ISLR2: variants seen among roughly 807,000 people sequenced by gnomAD.
The protein encoded by ISLR2 is immunoglobulin superfamily containing leucine-rich repeat protein 2.
ISLR2 carries 16 observed loss-of-function variants against 25.5 expected under a neutral mutation model. That is an observed-to-expected ratio of 0.63 (90% CI 0.43 to 0.95). The LOEUF is 0.95. Ranked by LOEUF, ISLR2 falls within the 40% of genes least tolerant of loss-of-function variation. ISLR2 has a pLI of 0.00. For missense variants in ISLR2, 883 were observed against 1,030.7 expected, an observed-to-expected ratio of 0.86 and a Z score of 1.96; for synonymous variants, 508 against 486.6, an observed-to-expected ratio of 1.04 and a Z score of -0.58.
At position 74,132,600 on chromosome 15, in the gene ISLR2, C is replaced by A. The variant is rs909197102; in HGVS notation, c.-8-147C>A. 6.1e-5 allele frequency: 72 copies of A among 1,179,402 alleles called. No homozygotes were observed. The highest frequency in any genetic ancestry group is 8.0e-5 in the Non-Finnish European group (69 of 867,678). The allele number at this position is 1,179,402 out of a possible 1,614,324, so 73.1% of individuals were successfully genotyped here. A position where few individuals can be genotyped will look rare whatever the true frequency, so the allele number is the denominator to read the frequency against. On this transcript the variant is annotated intron_variant, in intron 2 of 2. Transcript: ENST00000453268. This position sits in a 1 kb window ranked among gnomAD's most constrained non-coding sequence, Gnocchi z 4.3. ...ACCTCGAGATTTTTATTGACCTTCA[C>A]TTCAGAGAGGCTCCTGGCCATAGAG...
At chr15:74,108,474 C>T (rs1289232618) in intron 2 of ISLR2, among the ~76,000 whole-genome samples, 1 of 152,162 alleles carries the variant, frequency 6.6e-6, no homozygotes, top group East Asian at 1.9e-4. Context: ...CACTGCCGCC[C>T]CCAGACCCCC....
At position 74,135,102 on chromosome 15, in the gene ISLR2, C is replaced by A. The variant is rs1172267117; in HGVS notation, c.*110C>A. ...CCCCGTCCCCAACCTTCACCTACTC[C>A]TCCCCCTTACTACTCCCCAACCTTG... On this transcript the variant is annotated 3_prime_UTR_variant, in exon 3 of 3. Transcript: ENST00000453268. 23 of 1,304,790 alleles carry A rather than the reference C, an allele frequency of 1.8e-5. No individual in the cohort carries two copies. 80.8% of individuals were successfully genotyped at this position (1,304,790 alleles called of 1,614,324 possible).
chr15:74,136,360 TGACTGTGC>T lies in ISLR2; in HGVS notation c.*1380_*1387del. The T allele has an allele frequency of 6.1e-6, 1 of 165,136 alleles. No homozygotes were observed. The allele number at this position is 165,136 out of a possible 1,614,324, so 10.2% of individuals were successfully genotyped here. Reference sequence around the variant, plus strand: ...CCCTAGTTCGCACAAAGCCTGCTCGTGACTGTGCGACTGTGCGACGGGATCCGGATGGA... The same window carrying T: ...CCCTAGTTCGCACAAAGCCTGCTCGTGACTGTGCGACGGGATCCGGATGGA... On this transcript the variant is annotated 3_prime_UTR_variant, in exon 3 of 3. Coordinates refer to ENST00000453268, the MANE Select transcript of ISLR2 (RefSeq NM_020851.3).
At chr15:74,117,969 T>G (rs2072223859) in intron 2 of ISLR2, among the ~76,000 whole-genome samples, 1 of 152,236 alleles carries the variant, frequency 6.6e-6, no homozygotes, top group Non-Finnish European at 1.5e-5. Context: ...CCAAGGATAG[T>G]GCCACTGAGT....
At chr15:74,129,104 G>T (rs1411198418), upstream of ISLR2, 7 of 455,370 alleles carry the variant, frequency 1.5e-5, no homozygotes, top group Non-Finnish European at 2.2e-5. This position sits in a 1 kb window ranked among gnomAD's most constrained non-coding sequence, Gnocchi z 4.5. Flanking sequence ...GTCGGCGGGG[G>T]GGGACTCCAG....
chr15:74,129,888 A>C (rs2072368192), upstream of ISLR2: 1 of 152,202 alleles, frequency 6.6e-6, no homozygotes. The surrounding 1 kb of genome is among the most constrained non-coding windows in gnomAD (Gnocchi z 4.5). Flanking sequence ...AGAGTAGCGG[A>C]CGTTTTGCCA....
chr15:74,121,057 T>G (rs2072248987), intron 2 of ISLR2, among the ~76,000 whole-genome samples: 1 of 151,794 alleles, frequency 6.6e-6, no homozygotes, highest in Admixed American at 6.6e-5. Flanking sequence ...TCCAGCCCAT[T>G]TAGTATCTAG....
chr15:74,120,540 AAGTC>A (rs2072244860), intron 2 of ISLR2, among the ~76,000 whole-genome samples: 2 of 151,384 alleles, frequency 1.3e-5, no homozygotes, highest in Non-Finnish European at 2.9e-5. Flanking sequence ...AAAAAAAAAA[AAGTC>A]AGACCAACCC....
Position 74,134,603 on chromosome 15 carries a change from C to A in ISLR2, c.1849C>A (p.Leu617Met), listed in dbSNP as rs145379981. The A allele has an allele frequency of 3.2e-5, 51 of 1,614,022 alleles. No homozygotes were observed. The highest frequency in any genetic ancestry group is 4.3e-5 in the Non-Finnish European group (51 of 1,180,034). ...PLLGAACCHL[L>M]AKHPGKPYRL... ...TCTGGGCGCCGCCTGCTGCCATCTG[C>A]TGGCTAAACACCCGGGCAAGCCCTA... Residue 617 changes from leucine to methionine, a missense_variant, in exon 3 of 3, where the codon CTG (leucine) becomes ATG (methionine). Physicochemically the swap from Leu to Met is conservative, Grantham distance 15 (BLOSUM62 2). Coordinates refer to ENST00000453268, the MANE Select transcript of ISLR2 (RefSeq NM_020851.3).
At chr15:74,111,138 T>C (rs1173181802) in intron 2 of ISLR2, among the ~76,000 whole-genome samples, 5 of 60,696 alleles carry the variant, frequency 8.2e-5, no homozygotes, top group Non-Finnish European at 1.6e-4. Context: ...AGACTCCATC[T>C]AAAAAAAAAA....
chr15:74,130,831 T>G (rs2072396883), intron 1 of ISLR2, among the ~76,000 whole-genome samples: 2 of 146,816 alleles, frequency 1.4e-5, no homozygotes, highest in African/African-American at 2.6e-5. Flanking sequence ...GAACGTGGGG[T>G]GGGGGAGGTG....
chr15:74,104,492 G>T (rs2072104971), intron 2 of ISLR2, among the ~76,000 whole-genome samples: 1 of 152,270 alleles, frequency 6.6e-6, no homozygotes, highest in Non-Finnish European at 1.5e-5. Flanking sequence ...AGAACAGTTA[G>T]ATTTTGCAGG....
At chr15:74,120,170 A>C (rs1245434631) in intron 2 of ISLR2, among the ~76,000 whole-genome samples, 3 of 152,200 alleles carry the variant, frequency 2.0e-5, no homozygotes, top group Non-Finnish European at 2.9e-5. Flanking sequence ...AGATAAGGGA[A>C]TCTTAGGTGA....
intron 2 of ISLR2, among the ~76,000 whole-genome samples, chr15:74,117,738 C>G (rs1461015590): frequency 1.3e-5 from 2 of 152,184 alleles, no homozygotes; most frequent in Non-Finnish European, 2.9e-5. Flanking sequence ...TAACTCTCCC[C>G]TGGAATGCCA....
intron 2 of ISLR2, among the ~76,000 whole-genome samples, chr15:74,112,837 T>C (rs1328058062): frequency 6.6e-6 from 1 of 150,526 alleles, no homozygotes; most frequent in Admixed American, 6.6e-5. Flanking sequence ...CCTTTTTTTT[T>C]TTTTTTTTGA....
chr15:74,118,818 C>T (rs932424899), intron 2 of ISLR2, among the ~76,000 whole-genome samples: 15 of 152,004 alleles, frequency 9.9e-5, no homozygotes, highest in South Asian at 2.1e-4. Context: ...CTACCATGCC[C>T]GGCTAATTTT....
At position 74,133,907 on chromosome 15, in the gene ISLR2, G is replaced by C. The variant is rs372588076; in HGVS notation, c.1153G>C (p.Gly385Arg). The change falls in exon 3 of 3, where the codon GGG becomes CGG. Residue 385 changes from glycine to arginine, a missense_variant. Coordinates refer to ENST00000453268, the MANE Select transcript of ISLR2 (RefSeq NM_020851.3). ...GCCCCCAAAACACGCGCCTGGCGCC[G>C]GGGGAGAACCCGACGGACAGGCCCC... Reference protein sequence around the residue: ...TGPPKHAPGAGGEPDGQAPTS... With the variant: ...TGPPKHAPGARGEPDGQAPTS... 2 of 1,604,818 alleles carry C rather than the reference G, an allele frequency of 1.2e-6. No individual in the cohort carries two copies. The highest frequency in any genetic ancestry group is 1.7e-5 in the Admixed American group (1 of 58,496).
chr15:74,120,434 A>G (rs959717873), intron 2 of ISLR2, among the ~76,000 whole-genome samples: 1 of 151,048 alleles, frequency 6.6e-6, no homozygotes, highest in Non-Finnish European at 1.5e-5. Flanking sequence ...AGGTGGGAGG[A>G]TCGCTTGAAC....
intron 2 of ISLR2, among the ~76,000 whole-genome samples, chr15:74,106,807 G>C (rs1245322988): frequency 6.6e-6 from 1 of 152,104 alleles, no homozygotes; most frequent in East Asian, 1.9e-4. Context: ...ACACATGTCT[G>C]CTGCAGCTTC....
Sources: allele counts gnomAD v4.1 joint callset (sites outside exome capture counted in the v4.1 genomes callset), GRCh38; gene constraint gnomAD v4.1.1; non-coding constraint Gnocchi (gnomAD v3.1); transcripts MANE v1.5; gene names NCBI Gene and HGNC (gene_info 2026-07-23, HGNC 2026-07-21).